Variants in PRH1 observed in about 807,000 individuals in gnomAD.
PRH1 encodes proline rich protein HaeIII subfamily 1, also known as salivary acidic proline-rich phosphoprotein 1/2.
In PRH1, 7 loss-of-function variants were observed where a neutral mutation model predicts 7.9. The observed-to-expected ratio is 0.89, with a 90% CI of 0.50 to 1.67. The LOEUF is 1.67. PRH1 is among the 40% of genes most tolerant of loss of function. PRH1 has a pLI of 0.00. For missense variants in PRH1, 109 were observed against 223.6 expected (o/e 0.49, Z 3.27); for synonymous variants, 45 against 80.8 (o/e 0.56, Z 2.38).
At chr12:10,942,258 G>A (rs942852270) in intron 2 of PRH1, among the ~76,000 whole-genome samples, 1 of 152,118 alleles carries the variant, frequency 6.6e-6, no homozygotes, top group Non-Finnish European at 1.5e-5. Flanking sequence ...AGAGGCACCG[G>A]CAGTGGGTAA....
At chr12:11,150,443 G>A (rs1947037943) in intron 1 of PRH1, among the ~76,000 whole-genome samples, 1 of 152,064 alleles carries the variant, frequency 6.6e-6, no homozygotes, top group African/African-American at 2.4e-5. Flanking sequence ...ATGATAGACT[G>A]GATTAAGAAA....
At chr12:10,922,346 T>C (rs1268228994) in intron 2 of PRH1, among the ~76,000 whole-genome samples, 1 of 152,244 alleles carries the variant, frequency 6.6e-6, no homozygotes, top group Non-Finnish European at 1.5e-5. Context: ...TTTTTTCATT[T>C]TGATTGTGAA....
At chr12:11,110,418 G>C (rs866845385) in intron 1 of PRH1, among the ~76,000 whole-genome samples, 1 of 152,182 alleles carries the variant, frequency 6.6e-6, no homozygotes, top group South Asian at 2.1e-4. Context: ...CAGCCAGAAA[G>C]AAAGGCTGAG....
At chr12:11,027,090 T>C (rs931888052) in intron 1 of PRH1, among the ~76,000 whole-genome samples, 1 of 152,078 alleles carries the variant, frequency 6.6e-6, no homozygotes, top group Non-Finnish European at 1.5e-5. Context: ...CACTGTGAAA[T>C]CCTAGCCCTA....
chr12:11,130,541 C>G (rs1180423874), intron 1 of PRH1, among the ~76,000 whole-genome samples: 2 of 152,212 alleles, frequency 1.3e-5, no homozygotes, highest in African/African-American at 4.8e-5. Context: ...GAGGGCTCTA[C>G]AGAAGATATA....
intron 1 of PRH1, among the ~76,000 whole-genome samples, chr12:11,041,693 C>T (rs1472865883): frequency 6.6e-6 from 1 of 152,186 alleles, no homozygotes; most frequent in Non-Finnish European, 1.5e-5. Context: ...TTCCTCAGCA[C>T]ATGGATTTTT....
At chr12:10,979,755 T>C (rs934900142) in intron 1 of PRH1, among the ~76,000 whole-genome samples, 4 of 152,200 alleles carry the variant, frequency 2.6e-5, no homozygotes, top group Non-Finnish European at 5.9e-5. Flanking sequence ...ATGGCAGAAG[T>C]GACGACAAGG....
chr12:11,103,171 C>G (rs757434230), intron 1 of PRH1, among the ~76,000 whole-genome samples: 1 of 152,136 alleles, frequency 6.6e-6, no homozygotes, highest in Non-Finnish European at 1.5e-5. Context: ...TGCCATTTGA[C>G]CCAGCCATCC....
chr12:10,908,551 T>G, intron 2 of PRH1: 1 of 1,613,912 alleles, frequency 6.2e-7, no homozygotes, highest in South Asian at 1.1e-5. Flanking sequence ...ATCCATGATA[T>G]GAGAACACAT....
chr12:10,897,158 C>T (rs920412246), intron 2 of PRH1, among the ~76,000 whole-genome samples: 24 of 152,076 alleles, frequency 1.6e-4, no homozygotes, highest in African/African-American at 3.4e-4. Flanking sequence ...CTGTCTGATA[C>T]GGTAGATACT....
chr12:10,914,683 G>T (rs1053406939), intron 2 of PRH1, among the ~76,000 whole-genome samples: 10 of 152,128 alleles, frequency 6.6e-5, no homozygotes, highest in Non-Finnish European at 2.9e-5. Flanking sequence ...TAACACAAGT[G>T]ACTTCATTTT....
At chr12:10,892,511 T>TGAAAG (rs56236515) in intron 2 of PRH1, among the ~76,000 whole-genome samples, 74,875 of 151,472 alleles carry the variant, frequency 0.49, 20,692 homozygotes, top group East Asian at 0.72. Flanking sequence ...TAGAAAGGAT[T>TGAAAG]GAAAGTGAAT....
chr12:11,004,821 A>C (rs905350175), intron 1 of PRH1, among the ~76,000 whole-genome samples: 1 of 152,126 alleles, frequency 6.6e-6, no homozygotes, highest in African/African-American at 2.4e-5. Flanking sequence ...ATTGTAGGGG[A>C]AATTTCAGGA....
chr12:11,083,247 A>AT, intron 1 of PRH1, among the ~76,000 whole-genome samples: 1 of 131,022 alleles, frequency 7.6e-6, no homozygotes, highest in Non-Finnish European at 1.7e-5. Flanking sequence ...AAGAAGAAAA[A>AT]AGGTGTCTAG....
chr12:11,102,676 G>C (rs1370175839), intron 1 of PRH1, among the ~76,000 whole-genome samples: 1 of 152,132 alleles, frequency 6.6e-6, no homozygotes, highest in Non-Finnish European at 1.5e-5. Context: ...GGCAACAAAA[G>C]CCAAAATTGA....
intron 2 of PRH1, among the ~76,000 whole-genome samples, chr12:10,957,177 A>G (rs1392403548): frequency 6.6e-6 from 1 of 152,284 alleles, no homozygotes; most frequent in South Asian, 2.1e-4. Flanking sequence ...CTACAAGGAT[A>G]CAGAGACTAA....
chr12:11,092,159 T>C (rs1440119798), intron 1 of PRH1: 1 of 1,350,392 alleles, frequency 7.4e-7, no homozygotes, highest in East Asian at 2.3e-5. Context: ...TATGAAGCCA[T>C]TAGCAAAATT....
intron 1 of PRH1, among the ~76,000 whole-genome samples, chr12:11,028,798 T>C (rs1942040275): frequency 6.6e-6 from 1 of 150,868 alleles, no homozygotes; most frequent in African/African-American, 2.4e-5. Flanking sequence ...CAAGACTATA[T>C]TATTGTCATA....
At chr12:10,934,300 C>T (rs1461005108) in intron 2 of PRH1, among the ~76,000 whole-genome samples, 1 of 152,128 alleles carries the variant, frequency 6.6e-6, no homozygotes, top group Non-Finnish European at 1.5e-5. Flanking sequence ...GTAAAGATAA[C>T]TACAGCTCCT....
Sources: allele counts gnomAD v4.1 joint callset (sites outside exome capture counted in the v4.1 genomes callset), GRCh38; gene constraint gnomAD v4.1.1; transcripts MANE v1.5; gene names NCBI Gene and HGNC (gene_info 2026-07-23, HGNC 2026-07-21).